KDM4C: variants seen among roughly 807,000 people sequenced by gnomAD.
KDM4C encodes lysine demethylase 4C.
A neutral mutation model predicts 129.3 loss-of-function variants in KDM4C; 81 were observed. That is an observed-to-expected ratio of 0.63 (90% CI 0.52 to 0.75). The LOEUF is 0.75. Ranked by LOEUF, KDM4C falls within the 30% of genes least tolerant of loss-of-function variation. The probability of loss-of-function intolerance (pLI) is 0.00; values close to 1 mark genes in which losing one functional copy is unlikely to be tolerated. For synonymous variants in KDM4C, 573 were observed against 456.1 expected (o/e 1.26, Z -3.26); for missense variants, 1,457 against 1,304.0 (o/e 1.12, Z -1.81).
At chr9:7,164,364 G>C (rs1240967314) in intron 19 of KDM4C, among the ~76,000 whole-genome samples, 1 of 99,284 alleles carries the variant, frequency 1.0e-5, no homozygotes, top group Non-Finnish European at 2.2e-5. Flanking sequence ...AAAACAAAAA[G>C]CACCTTTCAG....
chr9:6,976,280 T>TA (rs2131753228), intron 8 of KDM4C, among the ~76,000 whole-genome samples: 1 of 152,322 alleles, frequency 6.6e-6, no homozygotes, highest in South Asian at 2.1e-4. Context: ...TGTTACTTCT[T>TA]ACTATAGAAA....
chr9:6,789,903 G>A (rs1003515706), intron 1 of KDM4C, among the ~76,000 whole-genome samples: 1 of 151,936 alleles, frequency 6.6e-6, no homozygotes, highest in Non-Finnish European at 1.5e-5. Context: ...TGGATTGTAA[G>A]TTCCTAAAGG....
chr9:6,774,090 A>C (rs1484701809), intron 1 of KDM4C, among the ~76,000 whole-genome samples: 1 of 151,842 alleles, frequency 6.6e-6, no homozygotes, highest in Non-Finnish European at 1.5e-5. Context: ...GTTTCACCAT[A>C]CTGGTCAGGC....
intron 17 of KDM4C, among the ~76,000 whole-genome samples, chr9:7,094,632 C>A (rs1293094516): frequency 6.6e-6 from 1 of 152,144 alleles, no homozygotes; most frequent in Non-Finnish European, 1.5e-5. Context: ...TGCGGAGGAA[C>A]CCTATACTGA....
At position 6,952,768 on chromosome 9, in the gene KDM4C, T is replaced by C. The variant is rs544206396; in HGVS notation, c.922-28157T>C. ...AGAGTATGTTTTAAAAGAAAGATCA[T>C]GTGCAGTATTTGTTCCAGTGACATA... On this transcript the variant is annotated intron_variant, in intron 8 of 21. Transcript: ENST00000381309. 2.6e-5 allele frequency among the ~76,000 whole-genome samples: 4 copies of C among 152,248 alleles called. No homozygotes were observed. In the East Asian group the frequency reaches 7.7e-4, roughly 29 times the overall value.
upstream of KDM4C, among the ~76,000 whole-genome samples, chr9:6,757,078 C>T (rs2130334902): frequency 6.6e-6 from 1 of 152,290 alleles, no homozygotes; most frequent in East Asian, 1.9e-4. Flanking sequence ...ACATCTGATG[C>T]TCAACCATCT....
intron 8 of KDM4C, chr9:6,925,181 A>C: frequency 1.0e-6 from 1 of 985,418 alleles, no homozygotes; most frequent in Non-Finnish European, 1.2e-6. Flanking sequence ...GTGCGTAAAC[A>C]TCCAGGGCTG....
At chr9:6,946,985 C>T (rs954798483) in intron 8 of KDM4C, among the ~76,000 whole-genome samples, 5 of 152,088 alleles carry the variant, frequency 3.3e-5, no homozygotes, top group African/African-American at 9.7e-5. Flanking sequence ...CTGATCCCAA[C>T]TGGTCTAAGT....
chr9:7,139,309 T>C (rs1324258965), intron 19 of KDM4C, among the ~76,000 whole-genome samples: 1 of 152,138 alleles, frequency 6.6e-6, no homozygotes, highest in East Asian at 1.9e-4. Flanking sequence ...TCTGACCCAA[T>C]GATTGCCTTA....
intron 7 of KDM4C, among the ~76,000 whole-genome samples, chr9:6,892,075 G>A (rs373043623): frequency 6.6e-6 from 1 of 152,152 alleles, no homozygotes. Flanking sequence ...TGAACATACA[G>A]CATTTGCTAA....
At chr9:7,013,471 C>A (rs1586910536) in intron 13 of KDM4C, among the ~76,000 whole-genome samples, 1 of 152,146 alleles carries the variant, frequency 6.6e-6, no homozygotes, top group South Asian at 2.1e-4. Context: ...GATCTGTTAA[C>A]TCTAGTGCAT....
At chr9:6,840,317 C>A (rs1416446515) in intron 4 of KDM4C, among the ~76,000 whole-genome samples, 1 of 152,094 alleles carries the variant, frequency 6.6e-6, no homozygotes, top group East Asian at 1.9e-4. Context: ...AAGCTATCTG[C>A]CTGCCTTGGC....
chr9:6,799,098 G>A (rs1828388682), intron 2 of KDM4C, among the ~76,000 whole-genome samples: 1 of 152,032 alleles, frequency 6.6e-6, no homozygotes, highest in South Asian at 2.1e-4. Flanking sequence ...TCCAGGCAGA[G>A]GGGCTCCTCA....
chr9:6,965,593 C>G (rs113972956), intron 8 of KDM4C, among the ~76,000 whole-genome samples: 8 of 152,324 alleles, frequency 5.3e-5, no homozygotes, highest in African/African-American at 1.9e-4. Flanking sequence ...TGATGATGTA[C>G]TTTTCTGTCT....
chr9:7,079,314 G>T (rs1417952805), intron 17 of KDM4C, among the ~76,000 whole-genome samples: 1 of 152,096 alleles, frequency 6.6e-6, no homozygotes, highest in East Asian at 1.9e-4. Context: ...CTCTACAAGA[G>T]TGACTTTGTT....
At chr9:6,992,617 C>T (rs1250875883) in intron 12 of KDM4C, among the ~76,000 whole-genome samples, 1 of 152,132 alleles carries the variant, frequency 6.6e-6, no homozygotes, top group Admixed American at 6.5e-5. Flanking sequence ...GTTACCTTAG[C>T]CATTTGCCTC....
intron 12 of KDM4C, among the ~76,000 whole-genome samples, chr9:7,003,020 T>A (rs1485240095): frequency 6.6e-6 from 1 of 152,178 alleles, no homozygotes; most frequent in Non-Finnish European, 1.5e-5. Flanking sequence ...GCCACCATTC[T>A]CGGCTAATGT....
At chr9:6,964,281 A>T (rs928411271) in intron 8 of KDM4C, among the ~76,000 whole-genome samples, 5 of 141,090 alleles carry the variant, frequency 3.5e-5, no homozygotes, top group Admixed American at 2.9e-4. Context: ...GATATTCCCC[A>T]TCCTGTGTCC....
rs547661862 is a variant in KDM4C at position 6,847,615 on chromosome 9, C to A, written c.436-1892C>A. Among the ~76,000 whole-genome samples, 4 of 152,284 alleles carry A rather than the reference C, an allele frequency of 2.6e-5. 1 individual carries two copies. The South Asian group carries it at 8.3e-4, about 32-fold the overall frequency. ...CCGTGTTAGCCAGGATGGTCTCGAT[C>A]TCCTGACCTCATGATCCACCCGCCT... On this transcript the variant is annotated intron_variant, in intron 4 of 21. Coordinates refer to ENST00000381309, the MANE Select transcript of KDM4C (RefSeq NM_015061.6).
Sources: allele counts gnomAD v4.1 joint callset (sites outside exome capture counted in the v4.1 genomes callset), GRCh38; gene constraint gnomAD v4.1.1; transcripts MANE v1.5; gene names NCBI Gene and HGNC (gene_info 2026-07-23, HGNC 2026-07-21).